The following NR6A1 variants were observed in gnomAD, a reference collection of about 807,000 sequenced individuals.
The protein encoded by NR6A1 is nuclear receptor subfamily 6 group A member 1.
In NR6A1, 7 loss-of-function variants were observed where a neutral mutation model predicts 59.1. The observed-to-expected ratio is 0.12, with a 90% confidence interval of 0.07 to 0.22. NR6A1 has a LOEUF of 0.22. NR6A1 is among the 10% of genes least tolerant of loss of function. NR6A1 has a pLI of 1.00. For missense variants in NR6A1, 468 were observed against 611.6 expected (o/e 0.77, Z 2.48); for synonymous variants, 243 against 236.1 (o/e 1.03, Z -0.27).
At chr9:124,551,318 A>G (rs1168073951) in intron 3 of NR6A1, among the ~76,000 whole-genome samples, 2 of 152,188 alleles carry the variant, frequency 1.3e-5, no homozygotes, top group African/African-American at 2.4e-5. Context: ...TTTTAAATCT[A>G]TCTGAAACAC....
At chr9:124,535,690 T>C (rs1326141404) in intron 7 of NR6A1, among the ~76,000 whole-genome samples, 188 bp downstream of exon 7, 4 of 152,224 alleles carry the variant, frequency 2.6e-5, no homozygotes, top group Non-Finnish European at 5.9e-5. Context: ...TCACCCCATT[T>C]TACCAGTTCA....
At chr9:124,626,217 G>A (rs2130870320) in intron 2 of NR6A1, among the ~76,000 whole-genome samples, 2 of 152,230 alleles carry the variant, frequency 1.3e-5, no homozygotes, top group Middle Eastern at 6.8e-3. Context: ...TGCTGGCCAG[G>A]CTGGTCTTGA....
At chr9:124,747,187 C>CTTTTT (rs35429356) in intron 1 of NR6A1, among the ~76,000 whole-genome samples, 1 of 122,512 alleles carries the variant, frequency 8.2e-6, no homozygotes, top group Non-Finnish European at 1.7e-5. Context: ...CCTTGTCTGA[C>CTTTTT]TTTTTTTTTT....
At chr9:124,550,624 T>C (rs745475969) in intron 3 of NR6A1, among the ~76,000 whole-genome samples, 8 of 152,068 alleles carry the variant, frequency 5.3e-5, no homozygotes, top group Admixed American at 2.0e-4. Flanking sequence ...TCCCAAAGTA[T>C]TGGGATTACA....
In NR6A1 at chr9:124,696,520, C is replaced by CTTTT. The variant is rs10625540; in HGVS notation, c.142+36784_142+36787dup. On this transcript the variant is annotated intron_variant, in intron 2 of 9. Coordinates refer to ENST00000487099, the MANE Select transcript of NR6A1 (RefSeq NM_033334.4). ...ACAAATTATACATAATGTTCTCTAGCTTTTTTTTTTTTTTTTTTTTGAGAT... is the reference window on the plus strand; with the variant it reads ...ACAAATTATACATAATGTTCTCTAGCTTTTTTTTTTTTTTTTTTTTTTTTGAGAT... 7.4e-3 allele frequency among the ~76,000 whole-genome samples: 781 copies of CTTTT among 104,978 alleles called. 62 individuals carry two copies. The highest frequency in any genetic ancestry group is 0.021 in the African/African-American group (538 of 25,658). 68.9% of individuals were successfully genotyped at this position (104,978 alleles called of 152,430 possible). A position where few individuals can be genotyped will look rare whatever the true frequency, so the allele number is the denominator to read the frequency against.
At chr9:124,585,566 G>GC (rs1834903376) in intron 2 of NR6A1, among the ~76,000 whole-genome samples, 1 of 135,408 alleles carries the variant, frequency 7.4e-6, no homozygotes, top group Non-Finnish European at 1.6e-5. Flanking sequence ...AAAGGGGGGG[G>GC]GGGGCAAGGT....
chr9:124,530,666 T>C lies in NR6A1; in HGVS notation c.1080-3766A>G, dbSNP rs113011538. On this transcript the variant is annotated intron_variant, in intron 7 of 9. Coordinates refer to ENST00000487099, the MANE Select transcript of NR6A1 (RefSeq NM_033334.4). ...GGGCTGAGAAACTCAGTTGTCTCTT[T>C]TTCATTGATCTAAATGCACCTACCC... is the stretch of plus-strand genomic sequence containing the variant. Among the ~76,000 whole-genome samples, 709 of 152,304 alleles carry C rather than the reference T, an allele frequency of 4.7e-3. 3 individuals carry two copies. The highest frequency in any genetic ancestry group is 0.016 in the African/African-American group (684 of 41,548).
rs73583627 is a variant in NR6A1 at position 124,691,546 on chromosome 9, T to A, written c.142+41762A>T. On this transcript the variant is annotated intron_variant, in intron 2 of 9. Coordinates refer to ENST00000487099, the MANE Select transcript of NR6A1 (RefSeq NM_033334.4). ...ATTAATTCATTTTTCAAATTTTTCA[T>A]CACAGACATTCAACAGAATCAAAAA... is the stretch of plus-strand genomic sequence containing the variant. Among the ~76,000 whole-genome samples, 1,037 of 152,332 alleles carry A rather than the reference T, an allele frequency of 6.8e-3. 12 individuals are homozygous for A. Among genetic ancestry groups the A allele is most frequent in the African/African-American group, 0.023 (961 of 41,566 alleles).
intron 2 of NR6A1, among the ~76,000 whole-genome samples, chr9:124,587,750 G>T (rs999530969): frequency 6.6e-6 from 1 of 152,126 alleles, no homozygotes; most frequent in Non-Finnish European, 1.5e-5. Context: ...CACTAAGACC[G>T]CAAATTATGA....
At chr9:124,768,593 T>C (rs1316310570) in intron 1 of NR6A1, among the ~76,000 whole-genome samples, 5 of 152,232 alleles carry the variant, frequency 3.3e-5, no homozygotes, top group Non-Finnish European at 7.3e-5. Context: ...AGAAAACATC[T>C]GTACCACTAA....
At chr9:124,735,168 GGGCTGTTCT>G (rs1403124507) in intron 1 of NR6A1, among the ~76,000 whole-genome samples, 3 of 152,200 alleles carry the variant, frequency 2.0e-5, no homozygotes, top group African/African-American at 7.2e-5. Flanking sequence ...TTGCAATTCT[GGGCTGTTCT>G]GACCACACCA....
At chr9:124,761,994 A>C (rs1336702217) in intron 1 of NR6A1, among the ~76,000 whole-genome samples, 2 of 152,234 alleles carry the variant, frequency 1.3e-5, no homozygotes, top group Non-Finnish European at 2.9e-5. Context: ...AATGATATGA[A>C]CTCATTTTCA....
chr9:124,581,829 A>C (rs1424357682), intron 2 of NR6A1, among the ~76,000 whole-genome samples: 3 of 152,212 alleles, frequency 2.0e-5, no homozygotes, highest in African/African-American at 7.2e-5. Context: ...AAAAAGCTCA[A>C]CATCAATGAT....
At chr9:124,693,366 T>C (rs1838626936) in intron 2 of NR6A1, among the ~76,000 whole-genome samples, 1 of 152,166 alleles carries the variant, frequency 6.6e-6, no homozygotes. Context: ...ATCTGCTAAT[T>C]TACCTCAAAA....
intron 2 of NR6A1, among the ~76,000 whole-genome samples, chr9:124,681,876 C>T (rs1346496190): frequency 6.6e-6 from 1 of 152,024 alleles, no homozygotes; most frequent in Non-Finnish European, 1.5e-5. Flanking sequence ...GGTAAAAGAT[C>T]CATGAAAAAT....
chr9:124,702,116 T>A (rs1838978259), intron 2 of NR6A1, among the ~76,000 whole-genome samples: 1 of 152,226 alleles, frequency 6.6e-6, no homozygotes, highest in Non-Finnish European at 1.5e-5. Context: ...AAGTTTTACA[T>A]TTTAATGAAG....
At chr9:124,701,744 T>A (rs551447062) in intron 2 of NR6A1, among the ~76,000 whole-genome samples, 1 of 152,196 alleles carries the variant, frequency 6.6e-6, no homozygotes, top group African/African-American at 2.4e-5. Context: ...TTCTTTTGAG[T>A]CGGAGTTTCG....
intron 2 of NR6A1, among the ~76,000 whole-genome samples, chr9:124,719,365 C>T (rs905222197): frequency 6.6e-6 from 1 of 152,214 alleles, no homozygotes; most frequent in African/African-American, 2.4e-5. Context: ...AGCTACCTCT[C>T]ACCTGGCCTG....
intron 2 of NR6A1, among the ~76,000 whole-genome samples, chr9:124,571,069 A>C (rs1015910055): frequency 6.6e-6 from 1 of 152,210 alleles, no homozygotes; most frequent in Non-Finnish European, 1.5e-5. Flanking sequence ...GAGACGATGT[A>C]GTGGACACTG....
Sources: allele counts gnomAD v4.1 joint callset (sites outside exome capture counted in the v4.1 genomes callset), GRCh38; gene constraint gnomAD v4.1.1; transcripts MANE v1.5; gene names NCBI Gene and HGNC (gene_info 2026-07-23, HGNC 2026-07-21).